Variants in DMD observed in about 807,000 individuals in gnomAD.
DMD encodes the protein dystrophin, also known as mutant dystrophin.
A neutral mutation model predicts 330.1 loss-of-function variants in DMD; 63 were observed. That is an observed-to-expected ratio of 0.19 (90% confidence interval 0.16 to 0.24). The LOEUF (loss-of-function observed/expected upper bound fraction) is 0.24, where lower values mean the gene tolerates loss of function less well. Among genes scored for constraint, DMD ranks in the 10% least tolerant of loss-of-function variants. The pLI is 1.00. For synonymous variants in DMD, 1,223 were observed against 959.8 expected, an observed-to-expected ratio of 1.27 and a Z score of -5.07; for missense variants, 3,344 against 2,684.1, an observed-to-expected ratio of 1.25 and a Z score of -5.43.
chrX:32,624,444 T>C (rs1312817313), intron 11 of DMD, among the ~76,000 whole-genome samples: 1 of 112,161 alleles, frequency 8.9e-6, no homozygotes, highest in Non-Finnish European at 1.9e-5. Context: ...CTTGGAACTT[T>C]GGCAACATAG....
At chrX:31,715,407 G>A (rs900448646) in intron 52 of DMD, among the ~76,000 whole-genome samples, 1 of 104,898 alleles carries the variant, frequency 9.5e-6, no homozygotes, top group Non-Finnish European at 2.0e-5. Context: ...GCCGGGCATG[G>A]TGGCGCGCGC....
At chrX:31,501,561 AGCCTTTAGATGT>A (rs1457833749) in intron 56 of DMD, among the ~76,000 whole-genome samples, 1 of 111,860 alleles carries the variant, frequency 8.9e-6, no homozygotes, top group Non-Finnish European at 1.9e-5. Context: ...TAAAACGCAG[AGCCTTTAGATGT>A]GCTGGAGTAT....
At chrX:33,109,966 G>A (rs1010754127) in intron 1 of DMD, among the ~76,000 whole-genome samples, 4 of 110,912 alleles carry the variant, frequency 3.6e-5, no homozygotes, top group Non-Finnish European at 7.6e-5. Context: ...AAAAAAAAAG[G>A]TTTTTTTGTT....
chrX:32,823,495 A>G, intron 4 of DMD, 108 bp from the exon 5 acceptor site: 1 of 563,232 alleles, frequency 1.8e-6, no homozygotes, highest in East Asian at 3.4e-5. Flanking sequence ...ATTTTCAGAG[A>G]CTTAGCATTG....
chrX:32,368,367 T>G (rs1021479055), intron 34 of DMD, among the ~76,000 whole-genome samples: 5 of 111,110 alleles, frequency 4.5e-5, no homozygotes, highest in African/African-American at 1.6e-4. Context: ...GGAATAAGCA[T>G]GAATGACTAC....
At chrX:32,417,034 G>A (rs1469638139) in intron 29 of DMD, among the ~76,000 whole-genome samples, 1 of 111,871 alleles carries the variant, frequency 8.9e-6, no homozygotes, top group Non-Finnish European at 1.9e-5. Context: ...ATTTCCTCCT[G>A]ACCTAACTCT....
At chrX:31,393,112 A>G (rs1421990407) in intron 60 of DMD, among the ~76,000 whole-genome samples, 1 of 111,681 alleles carries the variant, frequency 9.0e-6, no homozygotes, top group African/African-American at 3.3e-5. Context: ...TCTAAAATCA[A>G]TTAGATCTCA....
chrX:32,343,589 A>T (rs2146997482), intron 39 of DMD, among the ~76,000 whole-genome samples: 1 of 111,371 alleles, frequency 9.0e-6, no homozygotes, highest in East Asian at 2.8e-4. Flanking sequence ...TGTGTAGTTT[A>T]TGTGCAAGAG....
intron 7 of DMD, among the ~76,000 whole-genome samples, chrX:32,719,541 A>C (rs972069939): frequency 4.5e-5 from 5 of 111,622 alleles, no homozygotes; most frequent in Admixed American, 1.9e-4. Context: ...CAAAGTTTAA[A>C]CTGATTATGT....
At chrX:31,522,363 C>CTCTCTCTCTCTCTCTCTCTCTCTATA in intron 55 of DMD, among the ~76,000 whole-genome samples, 3 of 35,962 alleles carry the variant, frequency 8.3e-5, no homozygotes, top group Admixed American at 8.4e-4. Flanking sequence ...CTCTCTCTCT[C>CTCTCTCTCTCTCTCTCTCTCTCTATA]TATATATATA....
At chrX:32,068,013 C>G (rs2096271009) in intron 44 of DMD, among the ~76,000 whole-genome samples, 1 of 111,829 alleles carries the variant, frequency 8.9e-6, no homozygotes, top group Non-Finnish European at 1.9e-5. Context: ...GCCTTGCCAG[C>G]ATTGGGTGTC....
chrX:32,058,531 T>C (rs1379458451), intron 44 of DMD, among the ~76,000 whole-genome samples: 1 of 94,465 alleles, frequency 1.1e-5, no homozygotes, highest in Non-Finnish European at 2.1e-5. Context: ...AAATCCACAA[T>C]GATATACTAC....
chrX:31,171,159 A>G (rs1240058351), intron 73 of DMD, among the ~76,000 whole-genome samples: 1 of 112,242 alleles, frequency 8.9e-6, no homozygotes, highest in Non-Finnish European at 1.9e-5. Flanking sequence ...ATAGCTAAGA[A>G]AGATAAGGCA....
intron 43 of DMD, among the ~76,000 whole-genome samples, chrX:32,252,486 A>C: frequency 9.7e-6 from 1 of 103,082 alleles, no homozygotes; most frequent in South Asian, 4.1e-4. Context: ...ATTTCTGTAG[A>C]GTTTTTGAGA....
At chrX:33,099,003 C>T (rs1287110317) in intron 1 of DMD, among the ~76,000 whole-genome samples, 2 of 112,162 alleles carry the variant, frequency 1.8e-5, no homozygotes, top group Non-Finnish European at 3.8e-5. Context: ...TGACCTAATG[C>T]GTGCTTGGAC....
chrX:32,323,333 G>A (rs2097630739), intron 41 of DMD, among the ~76,000 whole-genome samples: 1 of 110,958 alleles, frequency 9.0e-6, no homozygotes, highest in Non-Finnish European at 1.9e-5. Context: ...AAGGATGACT[G>A]TGTAATAAAG....
intron 44 of DMD, among the ~76,000 whole-genome samples, chrX:32,161,636 C>G (rs777214949): frequency 2.7e-5 from 3 of 111,696 alleles, no homozygotes; most frequent in Non-Finnish European, 5.6e-5. Context: ...CTATAAAATG[C>G]AAATTTATTT....
At chrX:32,386,744 A>G (rs1203804941) in intron 32 of DMD, among the ~76,000 whole-genome samples, 2 of 106,170 alleles carry the variant, frequency 1.9e-5, no homozygotes, top group Non-Finnish European at 3.9e-5. Context: ...ATATATATTT[A>G]GTTCTTCAAT....
intron 60 of DMD, among the ~76,000 whole-genome samples, chrX:31,409,964 G>A (rs1480742304): frequency 1.8e-5 from 2 of 110,844 alleles, no homozygotes; most frequent in Non-Finnish European, 3.8e-5. Flanking sequence ...GATTACAGGC[G>A]CCCGCCACCA....
Sources: allele counts gnomAD v4.1 joint callset (sites outside exome capture counted in the v4.1 genomes callset), GRCh38; gene constraint gnomAD v4.1.1; transcripts MANE v1.5; gene names NCBI Gene and HGNC (gene_info 2026-07-23, HGNC 2026-07-21).